The following ACACA variants were observed in gnomAD, a reference collection of about 807,000 sequenced individuals.
ACACA encodes acetyl-CoA carboxylase alpha, also known as acetyl-CoA carboxylase 1.
A neutral mutation model predicts 296.1 loss-of-function variants in ACACA; 103 were observed. That is an observed-to-expected ratio of 0.35 (90% confidence interval 0.30 to 0.41). The LOEUF (loss-of-function observed/expected upper bound fraction) is 0.41. Among genes scored for constraint, ACACA ranks in the 10% least tolerant of loss-of-function variants. The pLI, the probability that ACACA is intolerant of heterozygous loss-of-function variation, is 1.00. For missense variants in ACACA, 1,554 were observed against 2,989.7 expected, an observed-to-expected ratio of 0.52 and a Z score of 11.20; for synonymous variants, 953 against 1,038.6, an observed-to-expected ratio of 0.92 and a Z score of 1.58.
At chr17:37,179,219 GCA>G in intron 41 of ACACA, 39 bp downstream of exon 41, 3 of 1,613,440 alleles carry the variant, frequency 1.9e-6, no homozygotes, top group Non-Finnish European at 1.7e-6. Context: ...GTACTAGTGG[GCA>G]CAGAGATAAG....
At chr17:37,372,583 T>C (rs779830209) in intron 1 of ACACA, among the ~76,000 whole-genome samples, 4 of 152,108 alleles carry the variant, frequency 2.6e-5, no homozygotes, top group Non-Finnish European at 5.9e-5. Flanking sequence ...GAGCCTAGGG[T>C]AGGCCTCCTG....
chr17:37,296,074 A>G (rs941686968), intron 3 of ACACA, among the ~76,000 whole-genome samples: 11 of 152,208 alleles, frequency 7.2e-5, no homozygotes, highest in African/African-American at 2.7e-4. Context: ...TTCCATTGTT[A>G]CTTGGTATAC....
chr17:37,191,117 T>C lies in ACACA; in HGVS notation c.4572+3A>G. The C allele has an allele frequency of 6.2e-7, 1 of 1,614,076 alleles. No homozygotes were observed. The highest frequency in any genetic ancestry group is 8.5e-7 in the Non-Finnish European group (1 of 1,179,962). ...CTGGGAGAGAAGCTAAGGAGAAATG[T>C]ACCTTTGATGGGTCCATGATAACCG... On this transcript the variant is annotated splice_donor_region_variant and intron_variant, in intron 38 of 55. Transcript: ENST00000616317.
At chr17:37,393,056 C>T (rs1322002607) in intron 1 of ACACA, among the ~76,000 whole-genome samples, 2 of 150,636 alleles carry the variant, frequency 1.3e-5, no homozygotes, top group African/African-American at 2.4e-5. Flanking sequence ...GCAGGAGAAT[C>T]GCTTGAACCC....
chr17:37,313,389 C>A (rs1425495688), intron 3 of ACACA, among the ~76,000 whole-genome samples: 2 of 151,806 alleles, frequency 1.3e-5, no homozygotes, highest in Non-Finnish European at 2.9e-5. Context: ...ATGGTTATTA[C>A]AACTTCATTT....
chr17:37,172,066 G>C (rs1452633017), intron 41 of ACACA, among the ~76,000 whole-genome samples: 1 of 152,124 alleles, frequency 6.6e-6, no homozygotes, highest in African/African-American at 2.4e-5. Context: ...GTTCATTATT[G>C]CCTCTGGTTG....
intron 29 of ACACA, among the ~76,000 whole-genome samples, chr17:37,216,208 G>GTATA (rs71159696): frequency 1.7e-3 from 242 of 144,124 alleles, no homozygotes; most frequent in Middle Eastern, 7.5e-3. Flanking sequence ...GTGTGTGTGT[G>GTATA]TATATATATA....
At position 37,105,619 on chromosome 17, in the gene ACACA, C is replaced by G. The variant is rs138850755; in HGVS notation, c.6565+5912G>C. 7.9e-3 allele frequency among the ~76,000 whole-genome samples: 1,196 copies of G among 152,210 alleles called. 18 individuals are homozygous for G. The highest frequency in any genetic ancestry group is 0.027 in the African/African-American group (1,127 of 41,526). ...GTGGCTCATGCCTGTAATCCCAACACTTTAGGAGGCCGAGGCGGGCGGATC... is the reference window on the plus strand; with the variant it reads ...GTGGCTCATGCCTGTAATCCCAACAGTTTAGGAGGCCGAGGCGGGCGGATC... On this transcript the variant is annotated intron_variant, in intron 52 of 55. Coordinates refer to ENST00000616317, the MANE Select transcript of ACACA (RefSeq NM_198834.3).
intron 33 of ACACA, among the ~76,000 whole-genome samples, chr17:37,202,962 CTT>C (rs57395863): frequency 1.6e-4 from 22 of 139,876 alleles, no homozygotes; most frequent in East Asian, 2.1e-4. Flanking sequence ...GAAGAAAATG[CTT>C]TTTTTTTTTT....
chr17:37,302,847 A>G lies in ACACA; in HGVS notation c.339-17877T>C, dbSNP rs578161975. ...TTGTTAACAATTTTACTGAGATACA[A>G]TTCACACACCATACATTTCACCCAC... On this transcript the variant is annotated intron_variant, in intron 3 of 55. Coordinates refer to ENST00000616317, the MANE Select transcript of ACACA (RefSeq NM_198834.3). Among the ~76,000 whole-genome samples, 166 of 152,338 alleles carry G rather than the reference A, an allele frequency of 1.1e-3. 1 individual carries two copies. Among genetic ancestry groups the G allele is most frequent in the Admixed American group, 7.1e-3 (108 of 15,292 alleles).
intron 52 of ACACA, among the ~76,000 whole-genome samples, chr17:37,099,514 C>T (rs903152134): frequency 1.1e-4 from 9 of 78,432 alleles, no homozygotes; most frequent in African/African-American, 7.4e-5. Flanking sequence ...GGGCTGATAG[C>T]AGGAGGGCTG....
chr17:37,151,775 C>A (rs2076049767), intron 43 of ACACA, among the ~76,000 whole-genome samples: 1 of 152,172 alleles, frequency 6.6e-6, no homozygotes, highest in African/African-American at 2.4e-5. Context: ...CATTCTCCTG[C>A]CTCAGCCTCC....
At chr17:37,131,315 T>C (rs571257001) in intron 45 of ACACA, among the ~76,000 whole-genome samples, 2 of 152,272 alleles carry the variant, frequency 1.3e-5, no homozygotes, top group East Asian at 3.9e-4. Context: ...CCTTGAAGAC[T>C]GGTTAATAAT....
At chr17:37,176,835 T>TA (rs2077134207) in intron 41 of ACACA, among the ~76,000 whole-genome samples, 1 of 152,132 alleles carries the variant, frequency 6.6e-6, no homozygotes, top group Non-Finnish European at 1.5e-5. Flanking sequence ...CAGTGCCCTA[T>TA]AATCTAGCTA....
chr17:37,277,692 C>T (rs544024444), intron 6 of ACACA, among the ~76,000 whole-genome samples: 42 of 152,316 alleles, frequency 2.8e-4, no homozygotes, highest in Middle Eastern at 3.4e-3. Context: ...TCCAAACCTT[C>T]TGTTTGTATT....
At chr17:37,277,836 CT>C (rs764190347) in intron 6 of ACACA, 59 bp downstream of exon 6, 92 of 1,314,922 alleles carry the variant, frequency 7.0e-5, no homozygotes, top group Non-Finnish European at 9.0e-5. Flanking sequence ...TAGATATCCC[CT>C]TGTGCCTAAC....
chr17:37,112,225 T>C (rs1475186552), intron 51 of ACACA, among the ~76,000 whole-genome samples: 2 of 152,122 alleles, frequency 1.3e-5, no homozygotes, highest in South Asian at 4.1e-4. Flanking sequence ...TTTTAGTGCA[T>C]ACTAATGATG....
At chr17:37,114,158 G>A (rs1384766882) in intron 50 of ACACA, among the ~76,000 whole-genome samples, 1 of 151,930 alleles carries the variant, frequency 6.6e-6, no homozygotes, top group African/African-American at 2.4e-5. Flanking sequence ...ACTCTAGCCT[G>A]GGTGACAGAA....
intron 39 of ACACA, 53 bp downstream of exon 39, chr17:37,188,224 T>C: frequency 6.4e-7 from 1 of 1,553,186 alleles, no homozygotes; most frequent in Non-Finnish European, 8.9e-7. Flanking sequence ...AGGACGAGTG[T>C]CTTATCTGTA....
Sources: gnomAD v4.1 joint callset for allele counts (sites outside exome capture counted in the v4.1 genomes callset) on GRCh38, gnomAD v4.1.1 for gene constraint, MANE v1.5 for transcripts, NCBI Gene and HGNC (gene_info 2026-07-23, HGNC 2026-07-21) for gene names.